Variants in CA5B observed in about 807,000 individuals in gnomAD.
CA5B encodes carbonic anhydrase 5B, mitochondrial.
A neutral mutation model predicts 23.1 loss-of-function variants in CA5B; 15 were observed. The observed-to-expected ratio is 0.65, with a 90% confidence interval of 0.43 to 1.00. CA5B has a LOEUF of 1.00. Ranked by LOEUF, CA5B falls within the 50% of genes least tolerant of loss-of-function variation. The probability of loss-of-function intolerance (pLI) is 0.00; values close to 1 mark genes in which losing one functional copy is unlikely to be tolerated. For synonymous variants in CA5B, 84 were observed against 98.5 expected (o/e 0.85, Z 0.87); for missense variants, 236 against 252.2 (o/e 0.94, Z 0.43).
chrX:15,753,516 G>C (rs997723429), intron 2 of CA5B, among the ~76,000 whole-genome samples: 11 of 112,345 alleles, frequency 9.8e-5, no homozygotes, highest in African/African-American at 3.6e-4. Context: ...CCTGGATCAG[G>C]AAAAGACCTG....
rs181252846 is a variant in CA5B, at chrX:15,781,282, A to G, written c.775-1203A>G. 5.4e-5 allele frequency among the ~76,000 whole-genome samples: 6 copies of G among 111,505 alleles called. No homozygotes were observed. In the Admixed American group the frequency reaches 5.7e-4, roughly 11 times the overall value. On this transcript the variant is annotated intron_variant, in intron 7 of 7. Coordinates refer to ENST00000318636, the MANE Select transcript of CA5B (RefSeq NM_007220.4). ...GTAGGCCACCACGCCCGGCCTAAGT[A>G]AAGTATTTCATAACACAATTGGGTC...
chrX:15,764,476 G>C, intron 2 of CA5B, 102 bp from the exon 3 acceptor site: 1 of 1,145,090 alleles, frequency 8.7e-7, no homozygotes, highest in Admixed American at 2.5e-5. Flanking sequence ...CTGGCCTCAA[G>C]TGATCCACCC....
At chrX:15,746,572 C>A (rs1362744576) in intron 1 of CA5B, among the ~76,000 whole-genome samples, 3 of 111,593 alleles carry the variant, frequency 2.7e-5, no homozygotes, top group African/African-American at 9.8e-5. Flanking sequence ...ATCGATTTAC[C>A]AAGACAGGGG....
At chrX:15,744,693 C>A (rs1391478187) in intron 1 of CA5B, among the ~76,000 whole-genome samples, 1 of 111,091 alleles carries the variant, frequency 9.0e-6, no homozygotes, top group Non-Finnish European at 1.9e-5. Context: ...CATCCCCTGC[C>A]ACCTCCTCAT....
chrX:15,769,523 T>C (rs900982961), intron 3 of CA5B: 6 of 751,630 alleles, frequency 8.0e-6, no homozygotes, highest in Non-Finnish European at 9.4e-6. Flanking sequence ...TGAGTGCCTT[T>C]GTTCTCCTCC....
chrX:15,767,850 G>A (rs1289369315), intron 3 of CA5B, among the ~76,000 whole-genome samples: 1 of 101,152 alleles, frequency 9.9e-6, no homozygotes, highest in Non-Finnish European at 2.0e-5. Flanking sequence ...CACCTGCCTC[G>A]GCCTCCCAAA....
intron 7 of CA5B, among the ~76,000 whole-genome samples, chrX:15,781,954 A>G (rs1932032105): frequency 9.4e-6 from 1 of 106,098 alleles, no homozygotes; most frequent in Admixed American, 1.0e-4. Context: ...AAAGAAAAGG[A>G]AAAAAAAAAG....
chrX:15,787,547 T>G lies in CA5B; in HGVS notation c.*4883T>G, dbSNP rs1262451889. The G allele has an allele frequency of 8.9e-6, 1 of 112,633 alleles. No individual in the cohort carries two copies. Among genetic ancestry groups the G allele is most frequent in the African/African-American group, 3.2e-5 (1 of 31,008 alleles). The allele number at this position is 112,633 out of a possible 1,213,427, so 9.3% of individuals were successfully genotyped here. On this transcript the variant is annotated 3_prime_UTR_variant, in exon 8 of 8. Transcript: ENST00000318636. ...TGGCTTTTAGAGTTACTTCCTGTAA[T>G]GAAATTAACAAGCAATTCAGGCCTA... is the stretch of plus-strand genomic sequence containing the variant.
Position 15,782,767 on chromosome X carries a change from A to T in CA5B, c.*103A>T. 6.5e-6 allele frequency: 4 copies of T among 616,680 alleles called. No homozygotes were observed. The highest frequency in any genetic ancestry group is 9.8e-6 in the Non-Finnish European group (4 of 407,080). The allele number at this position is 616,680 out of a possible 1,213,427, so 50.8% of individuals were successfully genotyped here. A position where few individuals can be genotyped will look rare whatever the true frequency, so the allele number is the denominator to read the frequency against. ...TAAGTGCCTGCATTTGATAATATTTACAGATGTGCATTTCTTAGCATGAGA... is the reference window on the plus strand; with the variant it reads ...TAAGTGCCTGCATTTGATAATATTTTCAGATGTGCATTTCTTAGCATGAGA... On this transcript the variant is annotated 3_prime_UTR_variant, in exon 8 of 8. Transcript: ENST00000318636.
At chrX:15,748,238 T>C (rs1029739418) in intron 1 of CA5B, among the ~76,000 whole-genome samples, 7 of 112,167 alleles carry the variant, frequency 6.2e-5, no homozygotes, top group African/African-American at 2.3e-4. Context: ...ATTTTTCTAT[T>C]GGCACAACTG....
chrX:15,769,514 G>A (rs1466100091), intron 3 of CA5B: 1 of 749,607 alleles, frequency 1.3e-6, no homozygotes, highest in Admixed American at 8.8e-5. Context: ...ATGGAGAGGT[G>A]AGTGCCTTTG....
chrX:15,748,751 A>T (rs1442236846), intron 1 of CA5B, among the ~76,000 whole-genome samples: 1 of 100,291 alleles, frequency 1.0e-5, no homozygotes, highest in African/African-American at 3.6e-5. Context: ...TAAAAAAAAT[A>T]AAGTTAGCCA....
At chrX:15,768,704 TC>T (rs1262547620) in intron 3 of CA5B, 1 of 109,225 alleles carries the variant, frequency 9.2e-6, no homozygotes, top group African/African-American at 3.3e-5. Context: ...TGCAAAACAA[TC>T]AATAGCATGC....
intron 6 of CA5B, chrX:15,776,272 G>A (rs1430824557): frequency 9.8e-6 from 1 of 102,463 alleles, no homozygotes; most frequent in African/African-American, 3.6e-5. Context: ...CCGGGAGGCG[G>A]AGCTTGCAGT....
rs775445242 is a variant in CA5B at position 15,772,581 on chromosome X, G to A, written c.426G>A (p.Glu142=). Residue 142 remains glutamate (E), a synonymous_variant, in exon 4 of 8, where the codon GAG becomes GAA. Coordinates refer to ENST00000318636, the MANE Select transcript of CA5B (RefSeq NM_007220.4). The stretch of plus-strand genomic sequence containing the variant: ...GGGCCATCGATGCCTGGGGTTCTGA[G>A]CACACCGTGGACAGCAAATGCTTCC... ...HWGAIDAWGS[E]HTVDSKCFPA... 3.3e-6 allele frequency: 4 copies of A among 1,200,988 alleles called. No individual in the cohort carries two copies. The South Asian group carries it at 7.1e-5, about 21-fold the overall frequency.
rs1338235715 is a variant in CA5B, at chrX:15,772,497, G to C, written c.342G>C (p.Val114=). The change falls in exon 4 of 8, where the codon GTG becomes GTC. Residue 114 remains valine (V), a splice_region_variant and synonymous_variant. Transcript: ENST00000318636. ...GAATTGTTGGATGTGCCATTTTAGT[G>C]ATCAAGGGAGGACCCCTGGAACACA... ...VEFEDSTDKS[V]IKGGPLEHNY... 1 of 1,176,943 alleles carries C rather than the reference G, an allele frequency of 8.5e-7. No homozygotes were observed. Among genetic ancestry groups the C allele is most frequent in the African/African-American group, 1.8e-5 (1 of 56,465 alleles).
chrX:15,749,973 T>G lies in CA5B; in HGVS notation c.-51T>G, dbSNP rs1931322457. 8.4e-7 allele frequency: 1 copy of G among 1,193,348 alleles called. No individual in the cohort carries two copies. Among genetic ancestry groups the G allele is most frequent in the Admixed American group, 2.3e-5 (1 of 43,888 alleles). ...CTCCTCTGCCCTCATCCCTCTAGAT[T>G]ATTAAGTTCCTGCAACTTAACTGGG... On this transcript the variant is annotated splice_region_variant and 5_prime_UTR_variant, in exon 2 of 8. In the 5' UTR this introduces an upstream ATG that the reference lacks. Transcript: ENST00000318636.
Position 15,747,559 on chromosome X carries a change from A to G in CA5B, c.-53-2412A>G, listed in dbSNP as rs1407965815. Among the ~76,000 whole-genome samples the G allele has an allele frequency of 2.7e-5, 3 of 110,951 alleles. No individual in the cohort carries two copies. In the East Asian group the frequency reaches 8.5e-4, roughly 31 times the overall value. ...TATAAATAAAACTTGATTGGCCATG[A>G]ACAGACAATTGTTGAAATGGAATAT... On this transcript the variant is annotated intron_variant, in intron 1 of 7. Transcript: ENST00000318636.
intron 2 of CA5B, among the ~76,000 whole-genome samples, chrX:15,750,770 C>G (rs952728625): frequency 1.8e-5 from 2 of 112,052 alleles, no homozygotes; most frequent in African/African-American, 6.5e-5. Context: ...AAATGGTCTT[C>G]CTCACACCTC....
Sources: gnomAD v4.1 joint callset for allele counts (sites outside exome capture counted in the v4.1 genomes callset) on GRCh38, gnomAD v4.1.1 for gene constraint, MANE v1.5 for transcripts, NCBI Gene and HGNC (gene_info 2026-07-23, HGNC 2026-07-21) for gene names.